MSMB: variants seen among roughly 807,000 people sequenced by gnomAD.
The protein encoded by MSMB is beta-microseminoprotein.
Under a neutral mutation model 10.5 loss-of-function variants are expected in MSMB, and 10 were observed. The ratio of observed to expected loss-of-function variants is 0.95; its 90% CI spans 0.59 to 1.62. The LOEUF (loss-of-function observed/expected upper bound fraction) is 1.62, where lower values mean the gene tolerates loss of function less well. MSMB is among the 40% of genes most tolerant of loss of function. MSMB has a pLI of 0.00. For synonymous variants in MSMB, 43 were observed against 46.5 expected (o/e 0.93, Z 0.30); for missense variants, 126 against 137.4 (o/e 0.92, Z 0.42).
chr10:46,037,769 G>C (rs1554927747), intron 3 of MSMB, among the ~76,000 whole-genome samples: 1 of 152,166 alleles, frequency 6.6e-6, no homozygotes, highest in East Asian at 1.9e-4. Context: ...CAGACAATTA[G>C]ATACTCTTTC....
intron 3 of MSMB, among the ~76,000 whole-genome samples, chr10:46,034,686 G>A (rs935732637): frequency 6.6e-6 from 1 of 151,740 alleles, no homozygotes; most frequent in Non-Finnish European, 1.5e-5. Context: ...TTAGCCGGGC[G>A]TGGTTGCAGG....
chr10:46,039,110 C>A, intron 2 of MSMB, 39 bp from the exon 3 acceptor site: 2 of 1,569,872 alleles, frequency 1.3e-6, no homozygotes, highest in Non-Finnish European at 1.8e-6. Context: ...GCAAGTCATG[C>A]AATGAGAACA....
chr10:46,038,905 G>A, intron 3 of MSMB, 61 bp downstream of exon 3: 2 of 1,408,944 alleles, frequency 1.4e-6, no homozygotes, highest in Non-Finnish European at 2.0e-6. Flanking sequence ...GCAAGACGGA[G>A]TAGCTGTTCC....
At chr10:46,045,144 A>G (rs1157044704) in intron 1 of MSMB, among the ~76,000 whole-genome samples, 3 of 152,170 alleles carry the variant, frequency 2.0e-5, no homozygotes, top group Admixed American at 6.5e-5. Context: ...AGAGCAGCCC[A>G]GTTCAGTCCC....
intron 1 of MSMB, among the ~76,000 whole-genome samples, chr10:46,045,206 A>G (rs1840866035): frequency 6.6e-6 from 1 of 152,154 alleles, no homozygotes; most frequent in Admixed American, 6.5e-5. Flanking sequence ...ACACAAGAAA[A>G]GCCTGCATGG....
At chr10:46,034,763 T>C (rs1840560530) in intron 3 of MSMB, among the ~76,000 whole-genome samples, 1 of 150,496 alleles carries the variant, frequency 6.6e-6, no homozygotes, top group Non-Finnish European at 1.5e-5. Flanking sequence ...AGGCGGAGCT[T>C]GCAGTGAGCA....
intron 1 of MSMB, among the ~76,000 whole-genome samples, chr10:46,043,645 G>T (rs1840803412): frequency 6.6e-6 from 1 of 151,956 alleles, no homozygotes; most frequent in African/African-American, 2.4e-5. Context: ...TAAATTCCTG[G>T]GAGTTTTTTT....
At chr10:46,044,960 C>G (rs1180612139) in intron 1 of MSMB, among the ~76,000 whole-genome samples, 2 of 152,066 alleles carry the variant, frequency 1.3e-5, no homozygotes, top group Non-Finnish European at 2.9e-5. Flanking sequence ...GACCTCCCAC[C>G]CCACTGTTGT....
chr10:46,040,451 T>C (rs1166986128), intron 1 of MSMB, among the ~76,000 whole-genome samples: 1 of 152,206 alleles, frequency 6.6e-6, no homozygotes, highest in Non-Finnish European at 1.5e-5. Context: ...TGAAGTTCTC[T>C]GCCACTAAGC....
chr10:46,042,149 A>T (rs1554928718), intron 1 of MSMB, among the ~76,000 whole-genome samples: 2 of 152,234 alleles, frequency 1.3e-5, no homozygotes, highest in Non-Finnish European at 2.9e-5. Flanking sequence ...AATAGATTTG[A>T]GAATATAAAC....
At chr10:46,036,707 C>G (rs1477454069) in intron 3 of MSMB, among the ~76,000 whole-genome samples, 1 of 152,196 alleles carries the variant, frequency 6.6e-6, no homozygotes, top group African/African-American at 2.4e-5. Context: ...AGGTTCTTCC[C>G]TCTTCACTGC....
At chr10:46,037,814 T>C (rs1840643856) in intron 3 of MSMB, among the ~76,000 whole-genome samples, 1 of 152,190 alleles carries the variant, frequency 6.6e-6, no homozygotes, top group Admixed American at 6.5e-5. Context: ...TAAAGCTACT[T>C]ATCAAGTTTC....
At chr10:46,043,702 T>A (rs1840805618) in intron 1 of MSMB, among the ~76,000 whole-genome samples, 1 of 152,124 alleles carries the variant, frequency 6.6e-6, no homozygotes, top group Non-Finnish European at 1.5e-5. Context: ...TGGGACGGAA[T>A]CTCGTTCTAT....
At chr10:46,039,373 T>C (rs2072701) in intron 2 of MSMB, among the ~76,000 whole-genome samples, 22,865 of 152,180 alleles carry the variant, frequency 0.15, 1,705 homozygotes, top group African/African-American at 0.16. Context: ...TGTGAGCCTG[T>C]GGGTACTTGG....
At chr10:46,038,608 G>T (rs1009218512) in intron 3 of MSMB, among the ~76,000 whole-genome samples, 2 of 152,018 alleles carry the variant, frequency 1.3e-5, no homozygotes, top group African/African-American at 4.8e-5. Context: ...TAAAAAGAAA[G>T]AAATAGGACT....
intron 2 of MSMB, 83 bp from the exon 3 acceptor site, chr10:46,039,154 A>T: frequency 1.8e-6 from 2 of 1,137,642 alleles, no homozygotes; most frequent in Non-Finnish European, 2.6e-6. Flanking sequence ...TGCCCCTACT[A>T]TCTACACCCC....
intron 1 of MSMB, among the ~76,000 whole-genome samples, chr10:46,043,905 C>A (rs1840813286): frequency 6.9e-6 from 1 of 145,706 alleles, no homozygotes; most frequent in Non-Finnish European, 1.5e-5. Context: ...AAATACCTGA[C>A]CTCAAATGAT....
At chr10:46,040,319 A>G (rs1840711666) in intron 1 of MSMB, among the ~76,000 whole-genome samples, 1 of 152,172 alleles carries the variant, frequency 6.6e-6, no homozygotes, top group Admixed American at 6.5e-5. Flanking sequence ...AAACCTTAAC[A>G]TGGTAATTTC....
intron 1 of MSMB, among the ~76,000 whole-genome samples, chr10:46,042,975 C>T (rs544147377): frequency 2.2e-4 from 34 of 152,298 alleles, no homozygotes; most frequent in Non-Finnish European, 4.1e-4. Flanking sequence ...AATGACACAA[C>T]GCCTTGATAC....
Sources: allele counts gnomAD v4.1 joint callset (sites outside exome capture counted in the v4.1 genomes callset), GRCh38; gene constraint gnomAD v4.1.1; transcripts MANE v1.5; gene names NCBI Gene and HGNC (gene_info 2026-07-23, HGNC 2026-07-21).